The following COG4 variants were observed in gnomAD, a reference collection of about 807,000 sequenced individuals.
COG4 encodes the protein component of oligomeric golgi complex 4, also known as conserved oligomeric Golgi complex subunit 4.
Under a neutral mutation model 95.1 loss-of-function variants are expected in COG4, and 65 were observed. That is an observed-to-expected ratio of 0.68 (90% CI 0.56 to 0.84). COG4 has a LOEUF of 0.84. Among genes scored for constraint, COG4 ranks in the 40% least tolerant of loss-of-function variants. The pLI is 0.00. For missense variants in COG4, 1,045 were observed against 989.1 expected, an observed-to-expected ratio of 1.06 and a Z score of -0.76; for synonymous variants, 421 against 374.8, an observed-to-expected ratio of 1.12 and a Z score of -1.42.
chr16:70,484,534 G>A (rs1411467611), intron 13 of COG4, among the ~76,000 whole-genome samples: 1 of 152,222 alleles, frequency 6.6e-6, no homozygotes, highest in Non-Finnish European at 1.5e-5. Context: ...GCTACCAAAG[G>A]GGATGGTCAA....
intron 5 of COG4, among the ~76,000 whole-genome samples, chr16:70,511,913 C>G (rs1431542769): frequency 6.7e-6 from 1 of 149,116 alleles, no homozygotes; most frequent in African/African-American, 2.5e-5. Flanking sequence ...GCCTGAGCAA[C>G]AAGAGTGAAA....
chr16:70,515,934 G>A (rs531572412), intron 3 of COG4: 328 of 453,652 alleles, frequency 7.2e-4, no homozygotes, highest in Non-Finnish European at 1.1e-3. Context: ...CTCCCAAAGT[G>A]TTAGGATTGC....
rs72792804 is a variant in COG4, at chr16:70,500,683, A to T, written c.1195+275T>A. Among the ~76,000 whole-genome samples the T allele has an allele frequency of 5.4e-3, 829 of 152,230 alleles. 5 individuals are homozygous for T. The highest frequency in any genetic ancestry group is 8.4e-3 in the Non-Finnish European group (572 of 68,028). ...GCCTATGTACTCTTTAAAAACAAAA[A>T]AAGAACACTTCATTGAAGTATAATT... On this transcript the variant is annotated intron_variant, in intron 9 of 18. Transcript: ENST00000323786.
chr16:70,487,291 A>T lies in COG4; in HGVS notation c.1710+3039T>A, dbSNP rs200642018. ...AATCGGTCTCAAAAAATAAAAAAAT[A>T]AAAATAAAAAAAAAAAAAGACAAGG... On this transcript the variant is annotated intron_variant, in intron 13 of 18. Transcript: ENST00000323786. 9.8e-3 allele frequency among the ~76,000 whole-genome samples: 1,387 copies of T among 142,090 alleles called. 11 individuals are homozygous for T. The highest frequency in any genetic ancestry group is 0.042 in the East Asian group (215 of 5,064). 93.2% of individuals were successfully genotyped at this position (142,090 alleles called of 152,430 possible). A position where few individuals can be genotyped will look rare whatever the true frequency, so the allele number is the denominator to read the frequency against.
chr16:70,517,903 T>C (rs1031015457), intron 2 of COG4, among the ~76,000 whole-genome samples, 163 bp from the exon 3 acceptor site: 1 of 152,176 alleles, frequency 6.6e-6, no homozygotes, highest in African/African-American at 2.4e-5. Flanking sequence ...CGTTTGACTG[T>C]AAACTCAGAC....
At chr16:70,508,633 T>C (rs2049630645) in intron 7 of COG4, 169 bp from the exon 8 acceptor site, 1 of 704,258 alleles carries the variant, frequency 1.4e-6, no homozygotes, top group East Asian at 2.7e-5. Flanking sequence ...AGGCCAAAGA[T>C]TTGTTTTTGG....
In COG4 at chr16:70,517,521, G is replaced by A. The variant is rs1029663207; in HGVS notation, c.369+105C>T. On this transcript the variant is annotated intron_variant, in intron 3 of 18. Coordinates refer to ENST00000323786, the MANE Select transcript of COG4 (RefSeq NM_015386.3). Reference sequence around the variant, plus strand: ...GAGAATTGCTTGAGCCCAGGGAGTTGGGGCTGTAGTGAGCTGTCATTGTAC... The same window carrying A: ...GAGAATTGCTTGAGCCCAGGGAGTTAGGGCTGTAGTGAGCTGTCATTGTAC... 5.6e-6 allele frequency: 4 copies of A among 709,404 alleles called. No homozygotes were observed. In the African/African-American group the frequency reaches 7.2e-5, roughly 13 times the overall value. The allele number at this position is 709,404 out of a possible 1,614,324, so 43.9% of individuals were successfully genotyped here.
chr16:70,509,868 G>C (rs199936137), intron 6 of COG4, 48 bp downstream of exon 6: 1 of 1,367,856 alleles, frequency 7.3e-7, no homozygotes, highest in Non-Finnish European at 1.0e-6. Context: ...TAGGATGCAG[G>C]TGTCATATAC....
intron 12 of COG4, among the ~76,000 whole-genome samples, chr16:70,493,536 G>A (rs555959977): frequency 6.6e-6 from 1 of 152,284 alleles, no homozygotes; most frequent in East Asian, 1.9e-4. Flanking sequence ...TGTGCAATGA[G>A]TAAGAGAGTG....
intron 10 of COG4, 42 bp downstream of exon 10, chr16:70,497,895 G>C: frequency 1.7e-6 from 2 of 1,161,902 alleles, no homozygotes; most frequent in East Asian, 2.3e-5. Flanking sequence ...TGGCTTCTTG[G>C]ACCGGAAGCC....
Position 70,480,762 on chromosome 16 carries a change from G to A in COG4, c.*248C>T, listed in dbSNP as rs959242018. 9.2e-6 allele frequency: 5 copies of A among 541,898 alleles called. No homozygotes were observed. Among genetic ancestry groups the A allele is most frequent in the Middle Eastern group, 5.1e-4 (1 of 1,956 alleles). The allele number at this position is 541,898 out of a possible 1,614,324, so 33.6% of individuals were successfully genotyped here. A position where few individuals can be genotyped will look rare whatever the true frequency, so the allele number is the denominator to read the frequency against. On this transcript the variant is annotated 3_prime_UTR_variant, in exon 19 of 19. Coordinates refer to ENST00000323786, the MANE Select transcript of COG4 (RefSeq NM_015386.3). ...TGGCCTGGGCTGCTCGCTGCCTGCCGTGGCTTTCCCACCTCATTAGGAGCC... is the reference window on the plus strand; with the variant it reads ...TGGCCTGGGCTGCTCGCTGCCTGCCATGGCTTTCCCACCTCATTAGGAGCC...
In COG4 at chr16:70,482,721, A is replaced by C; in HGVS notation, c.1920+8T>G. On this transcript the variant is annotated splice_region_variant and intron_variant, in intron 15 of 18. Coordinates refer to ENST00000323786, the MANE Select transcript of COG4 (RefSeq NM_015386.3). ...CGGGGCTTGATGGCTGCCTGTGGCC[A>C]GGCTAACCTCCTCGATGTTGTGGGA... The C allele has an allele frequency of 6.2e-7, 1 of 1,612,920 alleles. No homozygotes were observed. The highest frequency in any genetic ancestry group is 1.7e-5 in the Admixed American group (1 of 59,988).
intron 12 of COG4, among the ~76,000 whole-genome samples, chr16:70,492,449 G>T (rs1450783083): frequency 2.0e-5 from 3 of 151,776 alleles, no homozygotes; most frequent in Non-Finnish European, 4.4e-5. Context: ...ACCTGAGGTT[G>T]GGAGTTCGGG....
At chr16:70,517,856 A>C in intron 2 of COG4, 116 bp from the exon 3 acceptor site, 2 of 726,350 alleles carry the variant, frequency 2.8e-6, no homozygotes, top group Non-Finnish European at 5.0e-6. Flanking sequence ...TGTAACTCTT[A>C]GCTCAGTTTG....
chr16:70,482,186 G>A lies in COG4; in HGVS notation c.1921-11C>T. ...GTCATTGAATTCTTCCTGTTGTCAG[G>A]AAGCAGGGCTGGTCACCATGGGCCT... On this transcript the variant is annotated splice_polypyrimidine_tract_variant and intron_variant, in intron 15 of 18. Coordinates refer to ENST00000323786, the MANE Select transcript of COG4 (RefSeq NM_015386.3). 6.3e-7 allele frequency: 1 copy of A among 1,590,794 alleles called. No homozygotes were observed. The highest frequency in any genetic ancestry group is 8.6e-7 in the Non-Finnish European group (1 of 1,158,752).
At chr16:70,496,979 C>T (rs928685688) in intron 11 of COG4, among the ~76,000 whole-genome samples, 1 of 152,212 alleles carries the variant, frequency 6.6e-6, no homozygotes, top group Admixed American at 6.5e-5. Flanking sequence ...TGCCTGTTCT[C>T]TTTCCTACGT....
chr16:70,512,515 C>T (rs1441077390), intron 4 of COG4, 83 bp from the exon 5 acceptor site: 1 of 1,126,388 alleles, frequency 8.9e-7, no homozygotes, highest in East Asian at 2.5e-5. Flanking sequence ...TACTATTCAT[C>T]CAGCAAATAC....
intron 7 of COG4, chr16:70,508,918 T>C (rs751262281): frequency 3.7e-6 from 2 of 538,250 alleles, no homozygotes; most frequent in Non-Finnish European, 6.9e-6. Flanking sequence ...AGAAATAGAA[T>C]TGTCATTATA....
At chr16:70,484,062 T>C in intron 13 of COG4, 93 bp from the exon 14 acceptor site, 1 of 949,252 alleles carries the variant, frequency 1.1e-6, no homozygotes, top group Non-Finnish European at 1.7e-6. Context: ...CAGCCAGCTA[T>C]GGCCTGTCAA....
Sources: allele counts gnomAD v4.1 joint callset (sites outside exome capture counted in the v4.1 genomes callset), GRCh38; gene constraint gnomAD v4.1.1; transcripts MANE v1.5; gene names NCBI Gene and HGNC (gene_info 2026-07-23, HGNC 2026-07-21).